RGS7: variants seen among roughly 807,000 people sequenced by gnomAD.
RGS7 encodes the protein regulator of G protein signaling 7, also known as regulator of G-protein signaling 7.
In RGS7, 27 loss-of-function variants were observed where a neutral mutation model predicts 81.1. That is an observed-to-expected ratio of 0.33 (90% CI 0.25 to 0.46). The LOEUF (loss-of-function observed/expected upper bound fraction) is 0.46. Ranked by LOEUF, RGS7 falls within the 20% of genes least tolerant of loss-of-function variation. The pLI, the probability that RGS7 is intolerant of heterozygous loss-of-function variation, is 1.00. For missense variants in RGS7, 396 were observed against 607.4 expected (o/e 0.65, Z 3.66); for synonymous variants, 208 against 207.7 (o/e 1.00, Z -0.01).
In RGS7 at chr1:240,778,985, C is replaced by T. The variant is rs568413794; in HGVS notation, c.*7-2772G>A. On this transcript the variant is annotated intron_variant, in intron 18 of 18. Coordinates refer to ENST00000440928, the MANE Select transcript of RGS7 (RefSeq NM_001364886.1). ...TGCCTGCTCTGGTCTGTCTGTCCCC[C>T]TCAAAGCTCACATGTTGAAAGCTTA... 2.6e-5 allele frequency among the ~76,000 whole-genome samples: 4 copies of T among 152,262 alleles called. No homozygotes were observed. In the East Asian group the frequency reaches 5.8e-4, roughly 22 times the overall value.
At chr1:240,923,081 T>C (rs986522129) in intron 6 of RGS7, among the ~76,000 whole-genome samples, 3 of 151,832 alleles carry the variant, frequency 2.0e-5, no homozygotes, top group African/African-American at 7.3e-5. Flanking sequence ...TCTTGTTAAG[T>C]GAAAGAAGAA....
chr1:240,997,491 A>T (rs1687470305), intron 3 of RGS7, among the ~76,000 whole-genome samples: 1 of 152,126 alleles, frequency 6.6e-6, no homozygotes, highest in African/African-American at 2.4e-5. Flanking sequence ...ATCATATCAG[A>T]CGTTGTTACA....
At chr1:241,293,265 A>G (rs907796994) in intron 2 of RGS7, among the ~76,000 whole-genome samples, 4 of 152,270 alleles carry the variant, frequency 2.6e-5, no homozygotes, top group Non-Finnish European at 5.9e-5. Context: ...ACATACAATT[A>G]CATACAGTAC....
At chr1:241,061,575 A>T (rs897542941) in intron 3 of RGS7, among the ~76,000 whole-genome samples, 1 of 152,204 alleles carries the variant, frequency 6.6e-6, no homozygotes, top group African/African-American at 2.4e-5. Context: ...ATAAGTGCTA[A>T]AATAGATACA....
Position 240,811,910 on chromosome 1 carries a change from T to C in RGS7, c.1082+8A>G. ...TCTGGCTTATAAGATCCAAGCAATGTGTTTTACCTTAAATTTTCCGAGCTG... is the reference window on the plus strand; with the variant it reads ...TCTGGCTTATAAGATCCAAGCAATGCGTTTTACCTTAAATTTTCCGAGCTG... On this transcript the variant is annotated splice_region_variant and intron_variant, in intron 14 of 18. Transcript: ENST00000440928. 1.2e-6 allele frequency: 2 copies of C among 1,607,064 alleles called. No homozygotes were observed. Among genetic ancestry groups the C allele is most frequent in the Non-Finnish European group, 8.5e-7 (1 of 1,173,482 alleles).
rs545701790 is a variant in RGS7 at position 241,020,193 on chromosome 1, A to G, written c.176-37064T>C. The stretch of plus-strand genomic sequence containing the variant: ...ACATCTACTGCAAAGTCTGGTATGA[A>G]GTAGGGGCTCAGTCAGTGCTATTTG... On this transcript the variant is annotated intron_variant, in intron 3 of 18. Transcript: ENST00000440928. Among the ~76,000 whole-genome samples, 3 of 152,334 alleles carry G rather than the reference A, an allele frequency of 2.0e-5. No individual in the cohort carries two copies. In the South Asian group the frequency reaches 6.2e-4, roughly 32 times the overall value.
At chr1:240,914,001 C>T (rs531074935) in intron 6 of RGS7, among the ~76,000 whole-genome samples, 19 of 151,244 alleles carry the variant, frequency 1.3e-4, no homozygotes, top group African/African-American at 4.4e-4. Context: ...CATGCTGGTG[C>T]GCTGCACCCA....
intron 4 of RGS7, among the ~76,000 whole-genome samples, chr1:240,954,246 C>T (rs1264869594): frequency 1.3e-5 from 2 of 151,828 alleles, no homozygotes; most frequent in Non-Finnish European, 2.9e-5. Context: ...CCCTTCCTAG[C>T]TAATTGTAAA....
intron 2 of RGS7, among the ~76,000 whole-genome samples, chr1:241,341,146 T>C (rs2082521471): frequency 6.6e-6 from 1 of 152,136 alleles, no homozygotes; most frequent in African/African-American, 2.4e-5. Flanking sequence ...ATCGTAGAAA[T>C]GGTTTGGTTT....
Position 240,818,252 on chromosome 1 carries a change from A to G in RGS7, c.685-1837T>C, listed in dbSNP as rs184237763. 1.3e-3 allele frequency among the ~76,000 whole-genome samples: 193 copies of G among 152,204 alleles called. 2 individuals are homozygous for G. The highest frequency in any genetic ancestry group is 4.1e-3 in the African/African-American group (171 of 41,520). On this transcript the variant is annotated intron_variant, in intron 10 of 18. Transcript: ENST00000440928. ...TTCATTCATTCAACATTTATTGAACACTTACTATATACTAGATATAGTACT... is the reference window on the plus strand; with the variant it reads ...TTCATTCATTCAACATTTATTGAACGCTTACTATATACTAGATATAGTACT...
chr1:241,044,463 C>A (rs1166248802), intron 3 of RGS7, among the ~76,000 whole-genome samples: 1 of 152,080 alleles, frequency 6.6e-6, no homozygotes, highest in African/African-American at 2.4e-5. Flanking sequence ...CATTTTGTTT[C>A]CCTGGCTGGA....
At chr1:240,993,698 A>T (rs1686863103) in intron 3 of RGS7, among the ~76,000 whole-genome samples, 1 of 152,016 alleles carries the variant, frequency 6.6e-6, no homozygotes, top group South Asian at 2.1e-4. Context: ...AAAAAAAAAA[A>T]GTTTTTAATT....
At chr1:240,979,050 G>T (rs977528753) in intron 4 of RGS7, among the ~76,000 whole-genome samples, 1 of 152,104 alleles carries the variant, frequency 6.6e-6, no homozygotes, top group African/African-American at 2.4e-5. Context: ...GAATTTCAAG[G>T]AAAGAAAAGG....
chr1:241,252,177 G>C (rs1411020237), intron 2 of RGS7, among the ~76,000 whole-genome samples: 2 of 151,788 alleles, frequency 1.3e-5, no homozygotes, highest in African/African-American at 4.8e-5. Context: ...CCAAGTAGCT[G>C]GGATTACAGG....
In RGS7 at chr1:241,329,294, G is replaced by T. The variant is rs74879908; in HGVS notation, c.78+26405C>A. Among the ~76,000 whole-genome samples the T allele has an allele frequency of 6.8e-3, 1,034 of 152,268 alleles. 9 individuals carry two copies. Among genetic ancestry groups the T allele is most frequent in the Middle Eastern group, 0.01 (3 of 294 alleles). On this transcript the variant is annotated intron_variant, in intron 2 of 18. Coordinates refer to ENST00000440928, the MANE Select transcript of RGS7 (RefSeq NM_001364886.1). ...AAATTTTGCATATTTACTTTGACAG[G>T]ATACAAAGATACTATCATTAGAAAA...
chr1:240,844,350 A>G (rs1003856206), intron 9 of RGS7, among the ~76,000 whole-genome samples: 10 of 152,152 alleles, frequency 6.6e-5, no homozygotes, highest in African/African-American at 2.4e-4. Context: ...GATCAATACT[A>G]TCCTCTATCC....
chr1:241,025,555 G>A (rs543099628), intron 3 of RGS7, among the ~76,000 whole-genome samples: 1 of 152,274 alleles, frequency 6.6e-6, no homozygotes, highest in Non-Finnish European at 1.5e-5. Context: ...CTGCCTAGGG[G>A]CTGTGCAGGG....
At chr1:241,267,073 T>C (rs1277647339) in intron 2 of RGS7, among the ~76,000 whole-genome samples, 1 of 152,198 alleles carries the variant, frequency 6.6e-6, no homozygotes, top group African/African-American at 2.4e-5. Flanking sequence ...ACCTCTGCCT[T>C]CTAACCACAG....
intron 6 of RGS7, among the ~76,000 whole-genome samples, chr1:240,882,337 C>A (rs1666550441): frequency 6.6e-6 from 1 of 152,200 alleles, no homozygotes; most frequent in South Asian, 2.1e-4. Flanking sequence ...CTGTGAATTT[C>A]TGTTTCTCCC....
Sources: allele counts gnomAD v4.1 joint callset (sites outside exome capture counted in the v4.1 genomes callset), GRCh38; gene constraint gnomAD v4.1.1; transcripts MANE v1.5; gene names NCBI Gene and HGNC (gene_info 2026-07-23, HGNC 2026-07-21).